ABLIM3: variants seen among roughly 807,000 people sequenced by gnomAD.
ABLIM3 encodes actin binding LIM protein family member 3.
Under a neutral mutation model 109.5 loss-of-function variants are expected in ABLIM3, and 61 were observed. That is an observed-to-expected ratio of 0.56 (90% CI 0.45 to 0.69). The LOEUF (loss-of-function observed/expected upper bound fraction) is 0.69. ABLIM3 is among the 30% of genes least tolerant of loss of function. The pLI, the probability that ABLIM3 is intolerant of heterozygous loss-of-function variation, is 0.00. For missense variants in ABLIM3, 796 were observed against 889.5 expected, an observed-to-expected ratio of 0.89 and a Z score of 1.34; for synonymous variants, 300 against 324.8, an observed-to-expected ratio of 0.92 and a Z score of 0.82.
intron 2 of ABLIM3, among the ~76,000 whole-genome samples, chr5:149,164,555 T>C (rs1300057589): frequency 2.0e-5 from 3 of 152,198 alleles, no homozygotes; most frequent in Non-Finnish European, 4.4e-5. Flanking sequence ...GTCCTTACCC[T>C]GGACCCCCTG....
chr5:149,142,557 C>A (rs112842237), intron 2 of ABLIM3, among the ~76,000 whole-genome samples: 1 of 152,148 alleles, frequency 6.6e-6, no homozygotes, highest in Non-Finnish European at 1.5e-5. Flanking sequence ...GCTGGGAAGC[C>A]GCAGTTTGAT....
chr5:149,141,964 C>G, intron 1 of ABLIM3, 45 bp from the exon 2 acceptor site: 1 of 1,306,928 alleles, frequency 7.7e-7, no homozygotes, highest in Non-Finnish European at 1.1e-6. Flanking sequence ...AGAGAGAGCA[C>G]CTGAGGATAC....
intron 14 of ABLIM3, among the ~76,000 whole-genome samples, chr5:149,241,260 T>C (rs1164253901): frequency 2.0e-5 from 3 of 152,240 alleles, no homozygotes; most frequent in African/African-American, 7.2e-5. Context: ...GCCCAGATCC[T>C]GCCTTCATGG....
intron 8 of ABLIM3, among the ~76,000 whole-genome samples, chr5:149,223,652 A>G (rs1291006416): frequency 3.9e-5 from 6 of 152,176 alleles, no homozygotes; most frequent in Non-Finnish European, 8.8e-5. Context: ...GTCTCCATGC[A>G]GTAGGACAGA....
rs17109693 is a variant in ABLIM3 at position 149,155,776 on chromosome 5, G to A, written c.13+13668G>A. Among the ~76,000 whole-genome samples, 1,400 of 152,320 alleles carry A rather than the reference G, an allele frequency of 9.2e-3. 12 individuals carry two copies. The highest frequency in any genetic ancestry group is 0.015 in the Non-Finnish European group (1,044 of 68,026). On this transcript the variant is annotated intron_variant, in intron 2 of 23. Coordinates refer to ENST00000309868, the MANE Select transcript of ABLIM3 (RefSeq NM_014945.5). ...CTGTTAGGAAGTCCAGTTTGTATAC[G>A]CTAGAGAATATGAGTATGTGGACAC...
In ABLIM3 at chr5:149,216,966, G is replaced by A. The variant is rs1760158411; in HGVS notation, c.677G>A (p.Gly226Glu). The change falls in exon 8 of 24, where the codon GGG (glycine) becomes GAG (glutamate). Residue 226 changes from glycine (G) to glutamate (E), a missense_variant. By Grantham distance (98) the Gly-to-Glu change is moderately conservative. Coordinates refer to ENST00000309868, the MANE Select transcript of ABLIM3 (RefSeq NM_014945.5). ...YISGRVLEAG[G>E]KHYHPTCARC... The stretch of plus-strand genomic sequence containing the variant: ...ATCTTTTCATTTCCATAGGCAGGAG[G>A]GAAGCACTACCACCCAACCTGTGCC... The A allele has an allele frequency of 6.2e-7, 1 of 1,613,976 alleles. No homozygotes were observed. The highest frequency in any genetic ancestry group is 1.3e-5 in the African/African-American group (1 of 74,908).
At chr5:149,191,229 TAAG>T (rs1330684752) in intron 3 of ABLIM3, among the ~76,000 whole-genome samples, 2 of 152,082 alleles carry the variant, frequency 1.3e-5, no homozygotes, top group African/African-American at 4.8e-5. Context: ...TCAACAATAT[TAAG>T]AATTAAAATA....
In ABLIM3 at chr5:149,239,834, C is replaced by A. The variant is rs769537775; in HGVS notation, c.1150C>A (p.Arg384=). Residue 384 remains arginine, a synonymous_variant, in exon 13 of 24, where the codon CGG becomes AGG. Coordinates refer to ENST00000309868, the MANE Select transcript of ABLIM3 (RefSeq NM_014945.5). ...PGYIDSPTYS[R]QGMSPTFSRS... is the part of the protein sequence containing the mutation. Reference sequence around the variant, plus strand: ...GTACATAGACTCCCCCACCTACAGCCGGCAGGGCATGTCCCCCACCTTCTC... The same window carrying A: ...GTACATAGACTCCCCCACCTACAGCAGGCAGGGCATGTCCCCCACCTTCTC... The A allele has an allele frequency of 1.2e-6, 2 of 1,611,126 alleles. No homozygotes were observed. Among genetic ancestry groups the A allele is most frequent in the African/African-American group, 1.3e-5 (1 of 74,766 alleles).
At chr5:149,248,179 G>A (rs73275744) in intron 18 of ABLIM3, among the ~76,000 whole-genome samples, 8 of 152,300 alleles carry the variant, frequency 5.3e-5, no homozygotes, top group Non-Finnish European at 1.0e-4. Flanking sequence ...AGCCAGCCCC[G>A]TCTCAATCCC....
intron 5 of ABLIM3, among the ~76,000 whole-genome samples, chr5:149,201,755 G>T (rs548396221): frequency 4.6e-5 from 7 of 152,242 alleles, no homozygotes; most frequent in African/African-American, 1.7e-4. Flanking sequence ...AAGGAGGCTG[G>T]GATATGGGAC....
chr5:149,251,494 C>A, intron 21 of ABLIM3, 75 bp downstream of exon 21: 1 of 1,529,032 alleles, frequency 6.5e-7, no homozygotes, highest in South Asian at 1.2e-5. Context: ...GCTTGACCTT[C>A]GGCAAATGAT....
intron 2 of ABLIM3, among the ~76,000 whole-genome samples, chr5:149,146,664 A>G (rs923998172): frequency 6.6e-6 from 1 of 152,046 alleles, no homozygotes. Flanking sequence ...ATTCTGTTCC[A>G]TTGGTCTATA....
In ABLIM3 at chr5:149,244,997, T is replaced by G. The variant is rs1295692341; in HGVS notation, c.1468T>G (p.Tyr490Asp). 1 of 1,614,184 alleles carries G rather than the reference T, an allele frequency of 6.2e-7. No homozygotes were observed. The highest frequency in any genetic ancestry group is 1.1e-5 in the South Asian group (1 of 91,084). Reference protein sequence around the residue: ...YYASESEYWTYHGSPKVPRAR... With the variant: ...YYASESEYWTDHGSPKVPRAR... ...TGCTTCGGAGTCTGAGTACTGGACC[T>G]ACCATGGGTCCCCCAAAGGTAGTAC... is the stretch of plus-strand genomic sequence containing the variant. The change falls in exon 16 of 24, where the codon TAC becomes GAC. Residue 490 changes from tyrosine to aspartate, a missense_variant. Tyr to Asp is a radical substitution (Grantham distance 160). Coordinates refer to ENST00000309868, the MANE Select transcript of ABLIM3 (RefSeq NM_014945.5).
Position 149,259,733 on chromosome 5 carries a change from T to C in ABLIM3, c.*1329T>C. Reference sequence around the variant, plus strand: ...TGAATGGGTAATGTTTGGTGGGGGCTGTTCCTTCTTGGAGAAGCCTTGAGT... The same window carrying C: ...TGAATGGGTAATGTTTGGTGGGGGCCGTTCCTTCTTGGAGAAGCCTTGAGT... On this transcript the variant is annotated 3_prime_UTR_variant, in exon 24 of 24. Coordinates refer to ENST00000309868, the MANE Select transcript of ABLIM3 (RefSeq NM_014945.5). 3 of 810,976 alleles carry C rather than the reference T, an allele frequency of 3.7e-6. No homozygotes were observed. The highest frequency in any genetic ancestry group is 3.5e-5 in the South Asian group (2 of 57,430). 50.2% of individuals were successfully genotyped at this position (810,976 alleles called of 1,614,324 possible).
intron 2 of ABLIM3, among the ~76,000 whole-genome samples, chr5:149,170,228 T>TTCTCTC (rs10644957): frequency 0.25 from 30,495 of 124,288 alleles, 3,902 homozygotes; most frequent in East Asian, 0.45. Context: ...AGGGTTCTGT[T>TTCTCTC]TCTCTCTCTC....
At chr5:149,256,579 AATTC>A (rs540924877) in intron 23 of ABLIM3, among the ~76,000 whole-genome samples, 79 of 152,360 alleles carry the variant, frequency 5.2e-4, no homozygotes, top group South Asian at 2.5e-3. Context: ...GGTATCAGGG[AATTC>A]TGAAGAATTC....
rs1044981397 is a variant in ABLIM3 at position 149,146,563 on chromosome 5, G to A, written c.13+4455G>A. ...GCCAACTGTCCCAGCACCATTTATT[G>A]AATAGGGAGTCTTTACTCCATTGCT... is the stretch of plus-strand genomic sequence containing the variant. On this transcript the variant is annotated intron_variant, in intron 2 of 23. Coordinates refer to ENST00000309868, the MANE Select transcript of ABLIM3 (RefSeq NM_014945.5). 2.6e-5 allele frequency among the ~76,000 whole-genome samples: 4 copies of A among 152,248 alleles called. No individual in the cohort carries two copies. In the East Asian group the frequency reaches 7.7e-4, roughly 29 times the overall value.
At chr5:149,191,442 A>T (rs959411701) in intron 3 of ABLIM3, among the ~76,000 whole-genome samples, 2 of 152,140 alleles carry the variant, frequency 1.3e-5, no homozygotes, top group African/African-American at 4.8e-5. Context: ...TGTAGTTAAA[A>T]CTCTTCTACG....
intron 2 of ABLIM3, among the ~76,000 whole-genome samples, chr5:149,142,662 C>G (rs569086135): frequency 6.6e-6 from 1 of 152,150 alleles, no homozygotes; most frequent in Non-Finnish European, 1.5e-5. Context: ...GCTGGTTTCT[C>G]TATGTACCTG....
Sources: allele counts gnomAD v4.1 joint callset (sites outside exome capture counted in the v4.1 genomes callset), GRCh38; gene constraint gnomAD v4.1.1; transcripts MANE v1.5; gene names NCBI Gene and HGNC (gene_info 2026-07-23, HGNC 2026-07-21).